RASA3: variants seen among roughly 807,000 people sequenced by gnomAD.
RASA3 encodes RAS p21 protein activator 3.
RASA3 carries 73 observed loss-of-function variants against 110.0 expected under a neutral mutation model. The ratio of observed to expected loss-of-function variants is 0.66; its 90% confidence interval spans 0.55 to 0.81. The LOEUF (loss-of-function observed/expected upper bound fraction) is 0.81. RASA3 is among the 30% of genes least tolerant of loss of function. The pLI, the probability that RASA3 is intolerant of heterozygous loss-of-function variation, is 0.00. For synonymous variants in RASA3, 500 were observed against 451.4 expected, an observed-to-expected ratio of 1.11 and a Z score of -1.37; for missense variants, 976 against 1,113.2, an observed-to-expected ratio of 0.88 and a Z score of 1.75.
In RASA3 at chr13:114,073,812, G is replaced by GT; in HGVS notation, c.80dup (p.Tyr27Ter). The GT allele has an allele frequency of 2.5e-6, 4 of 1,614,194 alleles. No homozygotes were observed. The highest frequency in any genetic ancestry group is 3.4e-6 in the Non-Finnish European group (4 of 1,180,028). ...KIGEAKNLPS[Y>*]PGPSKMRDCY... ...AATCCCTCATCTTGCTCGGCCCCGG[G>GT]TAAGAGGGAAGGTTTTTGGCTTCAC... The change falls in exon 2 of 24, where the codon TAC becomes TAAC. Residue 27 changes from tyrosine (Y) to a stop codon, truncating the protein, a stop_gained and frameshift_variant. Transcript: ENST00000334062. LOFTEE classifies it high-confidence loss of function.
chr13:114,074,780 C>T (rs919902635), intron 1 of RASA3, among the ~76,000 whole-genome samples: 4 of 152,346 alleles, frequency 2.6e-5, no homozygotes, highest in Admixed American at 6.5e-5. Flanking sequence ...CCCGTGATCC[C>T]GGACTCCTTG....
At chr13:114,089,126 C>T (rs377733453) in intron 1 of RASA3, among the ~76,000 whole-genome samples, 4 of 151,604 alleles carry the variant, frequency 2.6e-5, no homozygotes, top group East Asian at 1.9e-4. Flanking sequence ...TCTGCTCCTT[C>T]GCTCCTTCCT....
At chr13:114,077,838 ACT>A (rs926436499) in intron 1 of RASA3, 4 of 983,808 alleles carry the variant, frequency 4.1e-6, no homozygotes, top group South Asian at 9.4e-5. Context: ...TGGGGCTGAG[ACT>A]CTTTCTTTTT....
At chr13:114,039,990 C>T (rs1343404901) in intron 4 of RASA3, among the ~76,000 whole-genome samples, 1 of 152,248 alleles carries the variant, frequency 6.6e-6, no homozygotes, top group Non-Finnish European at 1.5e-5. Context: ...ACAGCCCGCC[C>T]AGCCAACCGT....
In RASA3 at chr13:114,021,394, A is replaced by G. The variant is rs749470651; in HGVS notation, c.785+10T>C. 1.9e-6 allele frequency: 3 copies of G among 1,612,616 alleles called. No homozygotes were observed. Among genetic ancestry groups the G allele is most frequent in the Middle Eastern group, 1.6e-4 (1 of 6,082 alleles). Reference sequence around the variant, plus strand: ...AGATGCGGAAGTCTGCAGGTGCAACATCATCTTACCACGCCTCGTAGGAGC... The same window carrying G: ...AGATGCGGAAGTCTGCAGGTGCAACGTCATCTTACCACGCCTCGTAGGAGC... On this transcript the variant is annotated intron_variant, in intron 9 of 23. Coordinates refer to ENST00000334062, the MANE Select transcript of RASA3 (RefSeq NM_007368.4).
At chr13:113,992,435 C>T in intron 22 of RASA3, 50 bp downstream of exon 22, 1 of 1,491,470 alleles carries the variant, frequency 6.7e-7, no homozygotes, top group South Asian at 1.1e-5. Context: ...AGGCCGGGGC[C>T]TCGCCAGCCA....
At position 114,096,854 on chromosome 13, in the gene RASA3, G is replaced by A. The variant is rs925332785; in HGVS notation, c.56-23017C>T. Among the ~76,000 whole-genome samples the A allele has an allele frequency of 2.6e-5, 4 of 152,068 alleles. No homozygotes were observed. The highest frequency in any genetic ancestry group is 7.3e-5 in the African/African-American group (3 of 41,376). On this transcript the variant is annotated intron_variant, in intron 1 of 23. Coordinates refer to ENST00000334062, the MANE Select transcript of RASA3 (RefSeq NM_007368.4). This position sits in a 1 kb window ranked among gnomAD's most constrained non-coding sequence, Gnocchi z 5.1. ...GGCCGATCTCGCTGCTCCCTCGGAC[G>A]TACTCGCCCTACACCCCAGCCAAAC...
chr13:114,094,930 C>T (rs2079925683), intron 1 of RASA3, among the ~76,000 whole-genome samples: 1 of 152,206 alleles, frequency 6.6e-6, no homozygotes, highest in African/African-American at 2.4e-5. Context: ...TAGCACTCTT[C>T]AGAGTTCTAG....
intron 1 of RASA3, among the ~76,000 whole-genome samples, chr13:114,095,600 T>C (rs1199281905): frequency 6.6e-6 from 1 of 152,138 alleles, no homozygotes; most frequent in Non-Finnish European, 1.5e-5. Context: ...TGGAGACTTG[T>C]TTATGTCATG....
At chr13:113,995,026 G>A (rs2053199773) in intron 21 of RASA3, among the ~76,000 whole-genome samples, 1 of 152,376 alleles carries the variant, frequency 6.6e-6, no homozygotes, top group South Asian at 2.1e-4. Context: ...GAGGCTGGCT[G>A]TGGGTGTGCG....
Position 114,115,339 on chromosome 13 carries a change from A to C in RASA3, c.55+17096T>G, listed in dbSNP as rs2080262821. On this transcript the variant is annotated intron_variant, in intron 1 of 23. Transcript: ENST00000334062. This position sits in a 1 kb window ranked among gnomAD's most constrained non-coding sequence, Gnocchi z 5.0. ...TGAACACCCCACCTTGGTGACACAG[A>C]GGCTGGACAGTCACACCGACCCTTG... 2.0e-5 allele frequency among the ~76,000 whole-genome samples: 3 copies of C among 152,232 alleles called. No individual in the cohort carries two copies. Among genetic ancestry groups the C allele is most frequent in the South Asian group, 2.1e-4 (1 of 4,830 alleles).
intron 1 of RASA3, among the ~76,000 whole-genome samples, chr13:114,094,973 A>G (rs2079926210): frequency 6.6e-6 from 1 of 152,194 alleles, no homozygotes; most frequent in Non-Finnish European, 1.5e-5. Context: ...AGCTCAACAG[A>G]ACCATGCAGT....
intron 1 of RASA3, among the ~76,000 whole-genome samples, chr13:114,105,193 G>A (rs2080117392): frequency 6.6e-6 from 1 of 152,140 alleles, no homozygotes; most frequent in Non-Finnish European, 1.5e-5. Flanking sequence ...CCCAGGAGGA[G>A]GGCAGGTCCG....
At chr13:114,082,184 G>A (rs118178236) in intron 1 of RASA3, among the ~76,000 whole-genome samples, 4,747 of 152,330 alleles carry the variant, frequency 0.031, 109 homozygotes, top group Non-Finnish European at 0.049. Flanking sequence ...CCCACTCACC[G>A]GGGAGCTGCG....
chr13:114,043,871 G>A (rs1471754811), intron 3 of RASA3, among the ~76,000 whole-genome samples: 6 of 7,994 alleles, frequency 7.5e-4, no homozygotes, highest in Admixed American at 1.6e-3. Flanking sequence ...GAGCCCCCCC[G>A]CCCCGCCTCA....
At chr13:114,125,064 AT>A (rs1396432647) in intron 1 of RASA3, among the ~76,000 whole-genome samples, 1 of 152,062 alleles carries the variant, frequency 6.6e-6, no homozygotes, top group Non-Finnish European at 1.5e-5. Flanking sequence ...ATCTGTGTTT[AT>A]CATTCTTCTA....
chr13:114,055,741 C>T lies in RASA3; in HGVS notation c.174-3586G>A, dbSNP rs148727726. ...TGGACTTGGCGTTTCCAGCCCCGTT[C>T]GCTCCCGGCAGAGCCCCAAGAACCA... is the stretch of plus-strand genomic sequence containing the variant. On this transcript the variant is annotated intron_variant, in intron 2 of 23. Coordinates refer to ENST00000334062, the MANE Select transcript of RASA3 (RefSeq NM_007368.4). Among the ~76,000 whole-genome samples the T allele has an allele frequency of 4.1e-3, 623 of 152,308 alleles. 1 individual carries two copies. The highest frequency in any genetic ancestry group is 0.013 in the African/African-American group (557 of 41,572).
chr13:114,117,738 A>AGCACGTGTGTGAGGGGT (rs757592320), intron 1 of RASA3, among the ~76,000 whole-genome samples: 25,573 of 86,164 alleles, frequency 0.3, 4,928 homozygotes, highest in Admixed American at 0.36. Context: ...GTGTGAGGAG[A>AGCACGTGTGTGAGGGGT]GCACGTGTGT....
At chr13:114,075,450 CCG>C (rs1291020470) in intron 1 of RASA3, among the ~76,000 whole-genome samples, 17 of 103,356 alleles carry the variant, frequency 1.6e-4, no homozygotes, top group Middle Eastern at 5.3e-3. Context: ...ACAACGCCTC[CCG>C]TGTCCGCGCC....
Sources: gnomAD v4.1 joint callset for allele counts (sites outside exome capture counted in the v4.1 genomes callset) on GRCh38, gnomAD v4.1.1 for gene constraint, Gnocchi (gnomAD v3.1) non-coding constraint, MANE v1.5 for transcripts, NCBI Gene and HGNC (gene_info 2026-07-23, HGNC 2026-07-21) for gene names.